CCSER2: variants seen among roughly 807,000 people sequenced by gnomAD.
CCSER2 encodes the protein coiled-coil serine rich protein 2, also known as serine-rich coiled-coil domain-containing protein 2.
A neutral mutation model predicts 92.3 loss-of-function variants in CCSER2; 46 were observed. The observed-to-expected ratio is 0.50, with a 90% CI of 0.39 to 0.64. CCSER2 has a LOEUF of 0.64. Among genes scored for constraint, CCSER2 ranks in the 30% least tolerant of loss-of-function variants. CCSER2 has a pLI of 0.00. For synonymous variants in CCSER2, 433 were observed against 431.4 expected, an observed-to-expected ratio of 1.00 and a Z score of -0.04; for missense variants, 1,244 against 1,238.9, an observed-to-expected ratio of 1.00 and a Z score of -0.06.
intron 9 of CCSER2, among the ~76,000 whole-genome samples, chr10:84,491,898 T>G (rs1848192569): frequency 6.6e-6 from 1 of 152,150 alleles, no homozygotes; most frequent in South Asian, 2.1e-4. Flanking sequence ...TCTACATGCT[T>G]TCTTAGATTT....
chr10:84,363,677 C>CT (rs1589447543), intron 1 of CCSER2, among the ~76,000 whole-genome samples: 1 of 152,202 alleles, frequency 6.6e-6, no homozygotes, highest in East Asian at 1.9e-4. Context: ...ACAGCTCTTA[C>CT]TGTTCTTCTG....
chr10:84,338,307 AAAAAAAAACCCCAAAAACAACAAACC>A (rs1564576151), intron 1 of CCSER2, among the ~76,000 whole-genome samples: 2 of 5,896 alleles, frequency 3.4e-4, no homozygotes. Flanking sequence ...AAAAAAAAAC[AAAAAAAAACCCCAAAAACAACAAACC>A]AAAAAAACCC....
At chr10:84,364,685 C>T (rs1589449726) in intron 1 of CCSER2, among the ~76,000 whole-genome samples, 2 of 151,336 alleles carry the variant, frequency 1.3e-5, no homozygotes, top group South Asian at 2.1e-4. Context: ...CTTTTAAAAG[C>T]GAGAAGCTTG....
chr10:84,457,231 A>AATATATT (rs1308140170), intron 6 of CCSER2, among the ~76,000 whole-genome samples: 2 of 92,180 alleles, frequency 2.2e-5, no homozygotes, highest in South Asian at 3.0e-4. Context: ...ATTATATATA[A>AATATATT]ATATATTATA....
Position 84,330,760 on chromosome 10 carries a change from C to T in CCSER2, c.-40+1952C>T, listed in dbSNP as rs1273686002. Among the ~76,000 whole-genome samples the T allele has an allele frequency of 2.0e-5, 3 of 152,118 alleles. No individual in the cohort carries two copies. The East Asian group carries it at 5.8e-4, about 29-fold the overall frequency. ...TGACCTCGTGATCCGCCCACCTCGG[C>T]CTCCCAAAGTGCTGGGATTGTAGGC... On this transcript the variant is annotated intron_variant, in intron 1 of 9. Coordinates refer to ENST00000372088, the MANE Select transcript of CCSER2 (RefSeq NM_001284240.2).
At chr10:84,402,371 A>G (rs1842164115) in intron 3 of CCSER2, among the ~76,000 whole-genome samples, 1 of 152,212 alleles carries the variant, frequency 6.6e-6, no homozygotes, top group African/African-American at 2.4e-5. Context: ...ATATAATGTC[A>G]GCATATTGAA....
At chr10:84,382,174 A>G (rs888530416) in intron 3 of CCSER2, among the ~76,000 whole-genome samples, 9 of 152,082 alleles carry the variant, frequency 5.9e-5, no homozygotes, top group African/African-American at 1.9e-4. Context: ...TGAATTTTCT[A>G]TTTTGGGAGT....
intron 1 of CCSER2, among the ~76,000 whole-genome samples, chr10:84,358,432 G>A (rs888964243): frequency 2.0e-5 from 3 of 151,954 alleles, no homozygotes; most frequent in African/African-American, 7.3e-5. Flanking sequence ...TTATAGAGTG[G>A]AATGATGGGT....
intron 3 of CCSER2, chr10:84,391,043 T>C (rs1231611356): frequency 2.6e-6 from 2 of 777,024 alleles, no homozygotes; most frequent in Admixed American, 1.7e-5. Flanking sequence ...GCAGATTCAG[T>C]AGGACATCAT....
intron 3 of CCSER2, among the ~76,000 whole-genome samples, chr10:84,374,974 T>C (rs1237509687): frequency 6.6e-6 from 1 of 152,152 alleles, no homozygotes; most frequent in Non-Finnish European, 1.5e-5. Context: ...AAACATTTAA[T>C]TTAGAGACAG....
At chr10:84,456,931 T>A (rs1164774188) in intron 6 of CCSER2, among the ~76,000 whole-genome samples, 1 of 151,848 alleles carries the variant, frequency 6.6e-6, no homozygotes, top group Non-Finnish European at 1.5e-5. Context: ...CTTTTCTTAC[T>A]GATTTTTGAG....
At chr10:84,495,175 GTTTT>G (rs34336622) in intron 9 of CCSER2, among the ~76,000 whole-genome samples, 198 of 140,350 alleles carry the variant, frequency 1.4e-3, no homozygotes, top group African/African-American at 4.7e-3. Context: ...GTTTGATATG[GTTTT>G]TTTTTTTTTT....
chr10:84,441,733 AATGTTTTTTTTTTTTTTTTTTTTTTT>A (rs1236931466), intron 6 of CCSER2, among the ~76,000 whole-genome samples: 11 of 115,986 alleles, frequency 9.5e-5, no homozygotes, highest in South Asian at 9.5e-4. Flanking sequence ...AGACTGGGAA[AATGTTTTTTTTTTTTTTTTTTTTTTT>A]TTTTTTTTTT....
chr10:84,491,053 C>T lies in CCSER2; in HGVS notation c.2325+13389C>T, dbSNP rs533733107. On this transcript the variant is annotated intron_variant, in intron 9 of 9. Transcript: ENST00000372088. ...ATCAGCAGCGGAGGCTGCAGAACAG[C>T]GAATATTGCTGAACAGCAAATGTTT... Among the ~76,000 whole-genome samples the T allele has an allele frequency of 3.9e-5, 6 of 152,296 alleles. No individual in the cohort carries two copies. The East Asian group carries it at 7.7e-4, about 20-fold the overall frequency.
chr10:84,340,151 A>G (rs925619135), intron 1 of CCSER2, among the ~76,000 whole-genome samples: 1 of 152,180 alleles, frequency 6.6e-6, no homozygotes, highest in Non-Finnish European at 1.5e-5. Flanking sequence ...CCATCACTTT[A>G]TCTTTTTAAG....
At chr10:84,367,858 A>G (rs1285991732) in intron 1 of CCSER2, among the ~76,000 whole-genome samples, 1 of 152,060 alleles carries the variant, frequency 6.6e-6, no homozygotes, top group Non-Finnish European at 1.5e-5. Context: ...CTGTGTTACA[A>G]GAAACTGTTT....
intron 6 of CCSER2, among the ~76,000 whole-genome samples, chr10:84,457,599 T>G (rs1311987799): frequency 1.7e-5 from 2 of 116,786 alleles, no homozygotes. Context: ...AATTATATAT[T>G]TATATATTAT....
intron 6 of CCSER2, among the ~76,000 whole-genome samples, chr10:84,441,413 T>C (rs1050052838): frequency 6.6e-6 from 1 of 152,188 alleles, no homozygotes; most frequent in Non-Finnish European, 1.5e-5. Flanking sequence ...AGTTTCTGTT[T>C]GTTTTGTTTC....
chr10:84,402,848 C>T lies in CCSER2; in HGVS notation c.1615-14923C>T, dbSNP rs573085836. Among the ~76,000 whole-genome samples the T allele has an allele frequency of 2.4e-4, 36 of 152,234 alleles. No individual in the cohort carries two copies. The East Asian group carries it at 5.2e-3, about 22-fold the overall frequency. The stretch of plus-strand genomic sequence containing the variant: ...TTTTATTTTCAGATGACATTCTCTA[C>T]GTGGAAGACTCAACATATTTAAGAT... On this transcript the variant is annotated intron_variant, in intron 3 of 9. Transcript: ENST00000372088.
Sources: gnomAD v4.1 joint callset for allele counts (sites outside exome capture counted in the v4.1 genomes callset) on GRCh38, gnomAD v4.1.1 for gene constraint, MANE v1.5 for transcripts, NCBI Gene and HGNC (gene_info 2026-07-23, HGNC 2026-07-21) for gene names.